SPARCL1: variants seen among roughly 807,000 people sequenced by gnomAD.
SPARCL1 encodes the protein SPARC-like protein 1.
A neutral mutation model predicts 67.1 loss-of-function variants in SPARCL1; 52 were observed. The ratio of observed to expected loss-of-function variants is 0.78; its 90% confidence interval spans 0.62 to 0.98. The LOEUF (loss-of-function observed/expected upper bound fraction) is 0.98, where lower values mean the gene tolerates loss of function less well. SPARCL1 is among the 50% of genes least tolerant of loss of function. The pLI is 0.00. For synonymous variants in SPARCL1, 226 were observed against 267.8 expected, an observed-to-expected ratio of 0.84 and a Z score of 1.52; for missense variants, 717 against 782.4, an observed-to-expected ratio of 0.92 and a Z score of 1.00.
At chr4:87,525,822 C>T (rs1032404670) in intron 1 of SPARCL1, among the ~76,000 whole-genome samples, 1 of 152,142 alleles carries the variant, frequency 6.6e-6, no homozygotes, top group East Asian at 1.9e-4. Context: ...AAGCAGGAGT[C>T]TCTCTACACC....
At chr4:87,528,773 C>T (rs570903320) in intron 1 of SPARCL1, among the ~76,000 whole-genome samples, 4 of 152,202 alleles carry the variant, frequency 2.6e-5, no homozygotes, top group Admixed American at 6.5e-5. Context: ...GCTACTGAGG[C>T]GATCAACAGT....
rs1395722554 is a variant in SPARCL1 at position 87,490,879 on chromosome 4, C to A, written c.1292-1G>T. On this transcript the variant is annotated splice_acceptor_variant, in intron 5 of 10. Coordinates refer to ENST00000282470, the MANE Select transcript of SPARCL1 (RefSeq NM_004684.6). LOFTEE classifies it high-confidence loss of function. Reference sequence around the variant, plus strand: ...TTACACTGGAAGCTCATGCAAGAATCTAACAGAAAAGATTGGGCAGGAAGC... The same window carrying A: ...TTACACTGGAAGCTCATGCAAGAATATAACAGAAAAGATTGGGCAGGAAGC... 3 of 1,557,220 alleles carry A rather than the reference C, an allele frequency of 1.9e-6. No homozygotes were observed. The highest frequency in any genetic ancestry group is 2.6e-6 in the Non-Finnish European group (3 of 1,140,764).
chr4:87,473,691 C>T lies in SPARCL1; in HGVS notation c.*84G>A, dbSNP rs1723440364. ...TGCTAACATTTTGCTAAATATAAATCTACAAGTATCACAGCTGCATATATT... is the reference window on the plus strand; with the variant it reads ...TGCTAACATTTTGCTAAATATAAATTTACAAGTATCACAGCTGCATATATT... On this transcript the variant is annotated 3_prime_UTR_variant, in exon 11 of 11. Coordinates refer to ENST00000282470, the MANE Select transcript of SPARCL1 (RefSeq NM_004684.6). 4 of 963,500 alleles carry T rather than the reference C, an allele frequency of 4.2e-6. No homozygotes were observed. The highest frequency in any genetic ancestry group is 6.2e-6 in the Non-Finnish European group (4 of 640,286). The allele number at this position is 963,500 out of a possible 1,614,324, so 59.7% of individuals were successfully genotyped here.
At chr4:87,489,096 A>C (rs572328639) in intron 7 of SPARCL1, among the ~76,000 whole-genome samples, 1 of 152,258 alleles carries the variant, frequency 6.6e-6, no homozygotes, top group East Asian at 1.9e-4. Context: ...CAGGGAAGTG[A>C]ACAGTTCTGT....
chr4:87,493,842 G>C lies in SPARCL1; in HGVS notation c.958C>G (p.Leu320Val). ...CCATCATCAGTAGGTTCCATGAGCA[G>C]AGCCTCAGAAACAGTCTTTTCTTCT... ...ETEEKTVSEA[L>V]LMEPTDDGNT... The change falls in exon 4 of 11, where the codon CTG becomes GTG. Residue 320 changes from leucine to valine, a missense_variant. By Grantham distance (32) the Leu-to-Val change is conservative (BLOSUM62 1). Transcript: ENST00000282470. The C allele has an allele frequency of 6.2e-7, 1 of 1,614,150 alleles. No homozygotes were observed. The highest frequency in any genetic ancestry group is 8.5e-7 in the Non-Finnish European group (1 of 1,180,024).
chr4:87,518,276 T>G (rs1725664462), intron 1 of SPARCL1, among the ~76,000 whole-genome samples: 2 of 152,112 alleles, frequency 1.3e-5, no homozygotes, highest in African/African-American at 4.8e-5. Context: ...AGCTGTTAAT[T>G]CTTCTCCTCC....
intron 7 of SPARCL1, among the ~76,000 whole-genome samples, chr4:87,483,592 G>A (rs986064956): frequency 6.6e-6 from 1 of 152,170 alleles, no homozygotes; most frequent in African/African-American, 2.4e-5. Context: ...AACCCTTTGG[G>A]TATATACCCA....
chr4:87,528,046 T>A (rs1213314516), intron 1 of SPARCL1: 1 of 152,078 alleles, frequency 6.6e-6, no homozygotes, highest in Non-Finnish European at 1.5e-5. Flanking sequence ...AGAGGAGAGC[T>A]CAGATACAAT....
intron 2 of SPARCL1, among the ~76,000 whole-genome samples, chr4:87,497,788 C>T (rs925820543): frequency 6.6e-6 from 1 of 152,202 alleles, no homozygotes; most frequent in Non-Finnish European, 1.5e-5. Context: ...GGCAGTCTTG[C>T]TCTGTCACCC....
intron 2 of SPARCL1, among the ~76,000 whole-genome samples, chr4:87,499,272 A>G (rs564122570): frequency 2.6e-5 from 4 of 152,338 alleles, no homozygotes; most frequent in African/African-American, 9.6e-5. Flanking sequence ...TATGGCTAAT[A>G]AACTGATAGC....
intron 1 of SPARCL1, among the ~76,000 whole-genome samples, chr4:87,501,612 C>T (rs951518970): frequency 4.0e-5 from 6 of 151,784 alleles, no homozygotes; most frequent in Non-Finnish European, 7.4e-5. Context: ...TTTTTATGAA[C>T]ATAGTATTTT....
chr4:87,511,061 C>T (rs1056101302), intron 1 of SPARCL1, among the ~76,000 whole-genome samples: 2 of 152,198 alleles, frequency 1.3e-5, no homozygotes, highest in Non-Finnish European at 2.9e-5. Context: ...ACAAGGCACC[C>T]CTGCCGCGAG....
Position 87,486,014 on chromosome 4 carries a change from C to T in SPARCL1, c.1532-3454G>A, listed in dbSNP as rs570089482. 7.7e-4 allele frequency among the ~76,000 whole-genome samples: 117 copies of T among 152,020 alleles called. 3 individuals carry two copies. In the South Asian group the frequency reaches 0.024, roughly 31 times the overall value. On this transcript the variant is annotated intron_variant, in intron 7 of 10. Transcript: ENST00000282470. The stretch of plus-strand genomic sequence containing the variant: ...TATTTTGTTAATCTTTTAAAAAAAC[C>T]AGCTCCTAGGTTCATTGATTTTTTG...
intron 9 of SPARCL1, 44 bp downstream of exon 9, chr4:87,480,328 A>G (rs780379283): frequency 4.7e-6 from 7 of 1,499,538 alleles, no homozygotes; most frequent in Non-Finnish European, 6.3e-6. Flanking sequence ...TAGATATTTT[A>G]TCAGAGAGAT....
chr4:87,479,666 A>C, intron 9 of SPARCL1, 88 bp from the exon 10 acceptor site: 1 of 1,304,540 alleles, frequency 7.7e-7, no homozygotes, highest in Non-Finnish European at 1.1e-6. Context: ...TTTTTCTCCC[A>C]TAAGGTTGCT....
At chr4:87,522,875 TG>T (rs1725883404) in intron 1 of SPARCL1, among the ~76,000 whole-genome samples, 1 of 152,094 alleles carries the variant, frequency 6.6e-6, no homozygotes, top group South Asian at 2.1e-4. Flanking sequence ...CACCAAATCC[TG>T]CCGTAAAAAA....
chr4:87,489,130 TG>T, intron 7 of SPARCL1, among the ~76,000 whole-genome samples: 1 of 152,292 alleles, frequency 6.6e-6, no homozygotes, highest in South Asian at 2.1e-4. Flanking sequence ...CAGGTGCCAC[TG>T]GGATATGGAA....
chr4:87,508,947 A>C (rs1725234014), intron 1 of SPARCL1, among the ~76,000 whole-genome samples: 1 of 147,478 alleles, frequency 6.8e-6, no homozygotes, highest in Admixed American at 6.8e-5. Flanking sequence ...GCACCTGGAG[A>C]TAGTGTCAGA....
intron 3 of SPARCL1, 83 bp from the exon 4 acceptor site, chr4:87,494,681 T>C: frequency 9.0e-7 from 1 of 1,108,776 alleles, no homozygotes; most frequent in Non-Finnish European, 1.3e-6. Context: ...ATATTCATTA[T>C]TCTTTTTCTT....
Sources: gnomAD v4.1 joint callset for allele counts (sites outside exome capture counted in the v4.1 genomes callset) on GRCh38, gnomAD v4.1.1 for gene constraint, MANE v1.5 for transcripts, NCBI Gene and HGNC (gene_info 2026-07-23, HGNC 2026-07-21) for gene names.